The following KIF13A variants were observed in gnomAD, a reference collection of about 807,000 sequenced individuals.
KIF13A encodes kinesin family member 13A.
A neutral mutation model predicts 212.2 loss-of-function variants in KIF13A; 79 were observed. The ratio of observed to expected loss-of-function variants is 0.37; its 90% CI spans 0.31 to 0.45. The LOEUF is 0.45. Among genes scored for constraint, KIF13A ranks in the 20% least tolerant of loss-of-function variants. The pLI is 1.00. For synonymous variants in KIF13A, 789 were observed against 808.6 expected (o/e 0.98, Z 0.41); for missense variants, 1,901 against 2,209.0 (o/e 0.86, Z 2.79).
rs755699796 is a variant in KIF13A, at chr6:17,764,379, A to G, written c.5149T>C (p.Cys1717Arg). Residue 1717 changes from cysteine (C) to arginine (R), a missense_variant, in exon 39 of 39, where the codon TGC becomes CGC. By Grantham distance (180) the Cys-to-Arg change is radical (BLOSUM62 -3). Transcript: ENST00000259711. This position sits in a 1 kb window ranked among gnomAD's most constrained non-coding sequence, Gnocchi z 5.1. Reference protein sequence around the residue: ...SKISQPARGFCPREVTVEHTT... With the variant: ...SKISQPARGFRPREVTVEHTT... ...TGTTCTACCGTCACCTCCCTGGGGCAGAATCCCCTGGCTGGCTGGCTAATT... is the reference window on the plus strand; with the variant it reads ...TGTTCTACCGTCACCTCCCTGGGGCGGAATCCCCTGGCTGGCTGGCTAATT... 1.9e-6 allele frequency: 3 copies of G among 1,613,994 alleles called. No individual in the cohort carries two copies. The highest frequency in any genetic ancestry group is 2.5e-6 in the Non-Finnish European group (3 of 1,179,894).
chr6:17,954,399 G>A (rs974071150), intron 2 of KIF13A, among the ~76,000 whole-genome samples: 1 of 151,752 alleles, frequency 6.6e-6, no homozygotes, highest in Non-Finnish European at 1.5e-5. Flanking sequence ...TAGGGAGTAG[G>A]TGATTGAAGG....
intron 25 of KIF13A, among the ~76,000 whole-genome samples, chr6:17,790,946 A>G (rs907589283): frequency 1.3e-5 from 2 of 152,228 alleles, no homozygotes; most frequent in Admixed American, 6.5e-5. Flanking sequence ...TTGCAAAAAC[A>G]TTTGGCAAAA....
chr6:17,769,879 G>A lies in KIF13A; in HGVS notation c.4581+1235C>T, dbSNP rs1036834193. On this transcript the variant is annotated intron_variant, in intron 38 of 38. Coordinates refer to ENST00000259711, the MANE Select transcript of KIF13A (RefSeq NM_022113.6). This position sits in a 1 kb window ranked among gnomAD's most constrained non-coding sequence, Gnocchi z 5.8. Reference sequence around the variant, plus strand: ...GAGATGAAGGAGCAGCTATTAATGTGCGGATTCTTCTCCATCAGGAACTAG... The same window carrying A: ...GAGATGAAGGAGCAGCTATTAATGTACGGATTCTTCTCCATCAGGAACTAG... 1.1e-4 allele frequency among the ~76,000 whole-genome samples: 16 copies of A among 152,262 alleles called. No homozygotes were observed. The highest frequency in any genetic ancestry group is 3.9e-4 in the African/African-American group (16 of 41,556).
rs1762876704 is a variant in KIF13A, at chr6:17,805,668, G to A, written c.2164-53C>T. 3.3e-6 allele frequency: 5 copies of A among 1,504,966 alleles called. No individual in the cohort carries two copies. The South Asian group carries it at 6.1e-5, about 18-fold the overall frequency. 93.2% of individuals were successfully genotyped at this position (1,504,966 alleles called of 1,614,324 possible). A position where few individuals can be genotyped will look rare whatever the true frequency, so the allele number is the denominator to read the frequency against. On this transcript the variant is annotated intron_variant, in intron 18 of 38. Transcript: ENST00000259711. ...CCCTGTTATAACTCCTTTTTCGATT[G>A]CTAAAGCAATATATATACAACAGTA...
At chr6:17,808,707 A>G (rs1763184530) in intron 18 of KIF13A, 61 bp downstream of exon 18, 1 of 1,491,944 alleles carries the variant, frequency 6.7e-7, no homozygotes, top group Non-Finnish European at 9.1e-7. Flanking sequence ...TCAGTTTTAG[A>G]TCCTATTTTA....
chr6:17,875,735 G>A (rs1462435431), intron 3 of KIF13A, among the ~76,000 whole-genome samples: 2 of 152,026 alleles, frequency 1.3e-5, no homozygotes, highest in Non-Finnish European at 2.9e-5. Context: ...GATTACAGGC[G>A]TGAGCCACCA....
At chr6:17,763,245 G>A (rs1048631542), downstream of KIF13A, among the ~76,000 whole-genome samples, 5 of 152,066 alleles carry the variant, frequency 3.3e-5, no homozygotes, top group African/African-American at 1.2e-4. Context: ...AACACTTTGG[G>A]AGGCCAAGGG....
chr6:17,884,248 A>C (rs1213089518), intron 3 of KIF13A, among the ~76,000 whole-genome samples: 1 of 152,240 alleles, frequency 6.6e-6, no homozygotes, highest in Non-Finnish European at 1.5e-5. Flanking sequence ...TTGTGGTAAC[A>C]TAAATGGAAT....
At chr6:17,985,632 C>CGGGGGCGG (rs1781482818) in intron 2 of KIF13A, among the ~76,000 whole-genome samples, 1 of 38,208 alleles carries the variant, frequency 2.6e-5, no homozygotes, top group South Asian at 7.7e-4. Flanking sequence ...ATGCAGTTTG[C>CGGGGGCGG]GGGGGGGTGG....
Position 17,771,357 on chromosome 6 carries a change from C to A in KIF13A, c.4477-139G>T. 1.6e-6 allele frequency: 1 copy of A among 614,250 alleles called. No homozygotes were observed. Among genetic ancestry groups the A allele is most frequent in the South Asian group, 1.9e-5 (1 of 52,416 alleles). 38.0% of individuals were successfully genotyped at this position (614,250 alleles called of 1,614,324 possible). A position where few individuals can be genotyped will look rare whatever the true frequency, so the allele number is the denominator to read the frequency against. On this transcript the variant is annotated intron_variant, in intron 37 of 38. Transcript: ENST00000259711. The surrounding 1 kb of genome is among the most constrained non-coding windows in gnomAD (Gnocchi z 5.4). The stretch of plus-strand genomic sequence containing the variant: ...TAATGCAGCAGCCAATTCTGCAGGC[C>A]AGAGTTAAACTACTGGAGAGATATG...
At chr6:17,841,079 C>CTTT (rs760337717) in intron 9 of KIF13A, among the ~76,000 whole-genome samples, 6 of 137,452 alleles carry the variant, frequency 4.4e-5, no homozygotes, top group Admixed American at 7.3e-5. Flanking sequence ...ACCCCTTTTC[C>CTTT]TTTTTTTTTT....
intron 20 of KIF13A, among the ~76,000 whole-genome samples, chr6:17,802,754 T>C (rs552352286): frequency 7.9e-5 from 12 of 152,152 alleles, no homozygotes; most frequent in African/African-American, 2.4e-4. Flanking sequence ...CTGTGCTTTT[T>C]CTTTTTGAGA....
intron 9 of KIF13A, among the ~76,000 whole-genome samples, chr6:17,840,700 G>T (rs1297946483): frequency 1.3e-5 from 2 of 152,030 alleles, no homozygotes; most frequent in Non-Finnish European, 2.9e-5. Context: ...ACTCCTAAAT[G>T]TAGAAACATA....
chr6:17,815,602 C>T (rs1178197848), intron 17 of KIF13A: 1 of 440,472 alleles, frequency 2.3e-6, no homozygotes, highest in South Asian at 1.6e-5. Flanking sequence ...CCCTTCAGCT[C>T]CTATCTCTGT....
chr6:17,950,324 G>T, intron 2 of KIF13A: 1 of 786,238 alleles, frequency 1.3e-6, no homozygotes, highest in Non-Finnish European at 1.5e-6. Flanking sequence ...AAACCAGAAG[G>T]GATTTAAACA....
chr6:17,977,594 G>A (rs1263855835), intron 2 of KIF13A, among the ~76,000 whole-genome samples: 1 of 152,148 alleles, frequency 6.6e-6, no homozygotes, highest in Non-Finnish European at 1.5e-5. Flanking sequence ...AAATGTAAGT[G>A]GGAGAAAAGC....
rs998820138 is a variant in KIF13A, at chr6:17,968,789, T to A, written c.146+18265A>T. ...ACTGCCATTACCCCCAAAAGCCACA[T>A]GACAGCACAAAGGCTATCATTATGT... On this transcript the variant is annotated intron_variant, in intron 2 of 38. Coordinates refer to ENST00000259711, the MANE Select transcript of KIF13A (RefSeq NM_022113.6). The surrounding 1 kb of genome is among the most constrained non-coding windows in gnomAD (Gnocchi z 4.7). Among the ~76,000 whole-genome samples the A allele has an allele frequency of 6.6e-5, 10 of 152,142 alleles. No individual in the cohort carries two copies. Among genetic ancestry groups the A allele is most frequent in the African/African-American group, 2.4e-4 (10 of 41,434 alleles).
chr6:17,847,450 G>T (rs1767186168), intron 9 of KIF13A, among the ~76,000 whole-genome samples: 1 of 152,172 alleles, frequency 6.6e-6, no homozygotes, highest in Non-Finnish European at 1.5e-5. Context: ...GAGTACGGCT[G>T]TGTCCATCTG....
chr6:17,767,069 A>C (rs931380809), intron 38 of KIF13A, among the ~76,000 whole-genome samples: 6 of 152,072 alleles, frequency 3.9e-5, no homozygotes, highest in Non-Finnish European at 1.5e-5. Context: ...GGCAACACTA[A>C]TCTCTTCTCA....
Sources: allele counts gnomAD v4.1 joint callset (sites outside exome capture counted in the v4.1 genomes callset), GRCh38; gene constraint gnomAD v4.1.1; non-coding constraint Gnocchi (gnomAD v3.1); transcripts MANE v1.5; gene names NCBI Gene and HGNC (gene_info 2026-07-23, HGNC 2026-07-21).